SSPN: variants seen among roughly 807,000 people sequenced by gnomAD.
The protein encoded by SSPN is K-ras oncogene-associated protein.
Under a neutral mutation model 19.1 loss-of-function variants are expected in SSPN, and 15 were observed. That is an observed-to-expected ratio of 0.78 (90% CI 0.52 to 1.21). The LOEUF is 1.21. Ranked by LOEUF, SSPN falls within the 50% of genes most tolerant of loss-of-function variation. SSPN has a pLI of 0.00. For synonymous variants in SSPN, 147 were observed against 140.3 expected (o/e 1.05, Z -0.34); for missense variants, 291 against 314.0 (o/e 0.93, Z 0.55).
chr12:26,152,378 G>C (rs886289366), intron 1 of SSPN, among the ~76,000 whole-genome samples: 2 of 152,084 alleles, frequency 1.3e-5, no homozygotes, highest in African/African-American at 4.8e-5. Context: ...CGTTACTTTT[G>C]CCTAATATAA....
At position 26,182,051 on chromosome 12, in the gene SSPN, T is replaced by A. The variant is rs183899718; in HGVS notation, c.-30-42242T>A. Among the ~76,000 whole-genome samples, 213 of 152,344 alleles carry A rather than the reference T, an allele frequency of 1.4e-3. 1 individual carries two copies. The Middle Eastern group carries it at 0.024, about 17-fold the overall frequency. On this transcript the variant is annotated intron_variant, in intron 1 of 2. Coordinates refer to the SSPN transcript ENST00000538142. ...AGGATGGCTTTAGGCTTTGGAACAA[T>A]TGACAGTTGTTTAGAGGTGAGTAAA...
chr12:26,198,878 G>T (rs1262839770), intron 1 of SSPN, among the ~76,000 whole-genome samples: 1 of 152,180 alleles, frequency 6.6e-6, no homozygotes, highest in Non-Finnish European at 1.5e-5. Context: ...GGTTATATCA[G>T]TTTTCCCTGT....
At chr12:26,172,466 T>G (rs1351279097) in intron 1 of SSPN, among the ~76,000 whole-genome samples, 3 of 152,212 alleles carry the variant, frequency 2.0e-5, no homozygotes, top group Non-Finnish European at 4.4e-5. Context: ...TTTTAGACTG[T>G]GTCTAACAAG....
intron 1 of SSPN, among the ~76,000 whole-genome samples, chr12:26,133,172 C>T (rs1318006937): frequency 6.6e-6 from 1 of 152,180 alleles, no homozygotes; most frequent in Non-Finnish European, 1.5e-5. Context: ...TGGAAAGGGA[C>T]CTGACAGGGC....
At position 26,195,641 on chromosome 12, in the gene SSPN, G is replaced by GCTGCCC; in HGVS notation, c.-31_-30insTGCCCC. The GCTGCCC allele has an allele frequency of 1.1e-5, 12 of 1,105,344 alleles. No homozygotes were observed. The highest frequency in any genetic ancestry group is 1.7e-5 in the African/African-American group (1 of 60,320). The allele number at this position is 1,105,344 out of a possible 1,614,324, so 68.5% of individuals were successfully genotyped here. ...CTCCAGGGCCCAGGGCGCCGCACACGCACCCACCCACCCACCCAGCCTCGC... is the reference window on the plus strand; with the variant it reads ...CTCCAGGGCCCAGGGCGCCGCACACGCTGCCCCACCCACCCACCCACCCAGCCTCGC... On this transcript the variant is annotated 5_prime_UTR_variant, in exon 1 of 3. Transcript: ENST00000242729.
rs1319963229 is a variant in SSPN, at chr12:26,224,289, G to A, written c.280-4G>A. On this transcript the variant is annotated splice_region_variant and splice_polypyrimidine_tract_variant and intron_variant, in intron 1 of 2. Coordinates refer to ENST00000242729, the MANE Select transcript of SSPN (RefSeq NM_005086.5). Reference sequence around the variant, plus strand: ...CATCCTTTCTTCTGTGTTCTCCCTTGCAGGTCTGCTTAGTGGCCTATCTTG... The same window carrying A: ...CATCCTTTCTTCTGTGTTCTCCCTTACAGGTCTGCTTAGTGGCCTATCTTG... 1.2e-6 allele frequency: 2 copies of A among 1,611,174 alleles called. No homozygotes were observed. The highest frequency in any genetic ancestry group is 1.7e-6 in the Non-Finnish European group (2 of 1,177,376).
At chr12:26,124,011 G>T in intron 1 of SSPN, 2 of 1,121,082 alleles carry the variant, frequency 1.8e-6, no homozygotes, top group Non-Finnish European at 2.7e-6. Context: ...TTTTCTGGGA[G>T]TCGCACCAGA....
At chr12:26,199,338 T>G (rs1031741625) in intron 1 of SSPN, among the ~76,000 whole-genome samples, 1 of 152,196 alleles carries the variant, frequency 6.6e-6, no homozygotes. Context: ...AATCAAAAGA[T>G]GATTGAAGTC....
At chr12:26,186,021 T>C (rs993648703) in intron 1 of SSPN, among the ~76,000 whole-genome samples, 2 of 152,224 alleles carry the variant, frequency 1.3e-5, no homozygotes, top group African/African-American at 2.4e-5. Context: ...AAGAATGCTT[T>C]GTAAGCAGTC....
intron 1 of SSPN, chr12:26,122,245 C>T: frequency 1.6e-6 from 2 of 1,272,432 alleles, no homozygotes; most frequent in African/African-American, 1.6e-5. Flanking sequence ...CCCGCCTTCT[C>T]GGGAGGGGGC....
chr12:26,157,207 G>A (rs1944561159), intron 1 of SSPN, among the ~76,000 whole-genome samples: 1 of 152,118 alleles, frequency 6.6e-6, no homozygotes, highest in Non-Finnish European at 1.5e-5. Context: ...ACTTTGTATT[G>A]GCTAATAATT....
chr12:26,199,854 C>T (rs1264876012), intron 1 of SSPN, among the ~76,000 whole-genome samples: 1 of 152,216 alleles, frequency 6.6e-6, no homozygotes, highest in African/African-American at 2.4e-5. Flanking sequence ...TGGAGGAGAT[C>T]TCCAGATCCT....
chr12:26,223,782 A>C (rs1213192627), intron 1 of SSPN, among the ~76,000 whole-genome samples: 2 of 152,242 alleles, frequency 1.3e-5, no homozygotes, highest in African/African-American at 4.8e-5. Context: ...AGCCCTTAGA[A>C]GAGCTCTAGC....
At chr12:26,151,152 G>A (rs1167831681) in intron 1 of SSPN, among the ~76,000 whole-genome samples, 2 of 151,266 alleles carry the variant, frequency 1.3e-5, no homozygotes, top group African/African-American at 4.8e-5. Flanking sequence ...TTCTCTCAGA[G>A]AACTCTTGAG....
chr12:26,176,886 G>A (rs549737889), intron 1 of SSPN, among the ~76,000 whole-genome samples: 1 of 152,198 alleles, frequency 6.6e-6, no homozygotes, highest in Admixed American at 6.5e-5. Context: ...TCCTCCATCA[G>A]TCCATTATTC....
chr12:26,139,978 T>A (rs1944449480), intron 1 of SSPN, among the ~76,000 whole-genome samples: 1 of 152,176 alleles, frequency 6.6e-6, no homozygotes, highest in Non-Finnish European at 1.5e-5. Flanking sequence ...CCCTCCTCTC[T>A]TGTCTCCTTT....
At chr12:26,159,441 G>A (rs1184776279) in intron 1 of SSPN, among the ~76,000 whole-genome samples, 1 of 152,258 alleles carries the variant, frequency 6.6e-6, no homozygotes, top group Admixed American at 6.5e-5. Flanking sequence ...AGAGCCCATA[G>A]TGTCCTGGAG....
intron 1 of SSPN, chr12:26,125,838 A>AG (rs1464853460): frequency 2.0e-5 from 3 of 152,056 alleles, no homozygotes; most frequent in Non-Finnish European, 2.9e-5. Context: ...GTGGCACGAG[A>AG]GGGGCTACCA....
At chr12:26,229,792 A>T (rs979269191) in intron 2 of SSPN, among the ~76,000 whole-genome samples, 1 of 152,190 alleles carries the variant, frequency 6.6e-6, no homozygotes, top group African/African-American at 2.4e-5. Context: ...ATTAAGATTA[A>T]CATTTCTAGT....
Sources: gnomAD v4.1 joint callset for allele counts (sites outside exome capture counted in the v4.1 genomes callset) on GRCh38, gnomAD v4.1.1 for gene constraint, MANE v1.5 for transcripts, NCBI Gene and HGNC (gene_info 2026-07-23, HGNC 2026-07-21) for gene names.